CKMT2: variants seen among roughly 807,000 people sequenced by gnomAD.
CKMT2 encodes the protein creatine kinase S-type, mitochondrial.
Under a neutral mutation model 48.9 loss-of-function variants are expected in CKMT2, and 43 were observed. The observed-to-expected ratio is 0.88, with a 90% CI of 0.69 to 1.13. The LOEUF is 1.13. CKMT2 is among the 50% of genes most tolerant of loss of function. CKMT2 has a pLI of 0.00. For synonymous variants in CKMT2, 206 were observed against 213.0 expected (o/e 0.97, Z 0.29); for missense variants, 472 against 555.4 (o/e 0.85, Z 1.51).
intron 9 of CKMT2, among the ~76,000 whole-genome samples, chr5:81,265,199 T>TGAGA (rs1757346906): frequency 6.6e-6 from 1 of 152,130 alleles, no homozygotes; most frequent in Admixed American, 6.5e-5. Context: ...TGGCAGTGAG[T>TGAGA]GAGAGACCTA....
chr5:81,254,285 G>A, intron 3 of CKMT2, 111 bp from the exon 4 acceptor site: 1 of 795,528 alleles, frequency 1.3e-6, no homozygotes, highest in Non-Finnish European at 2.1e-6. Context: ...AAATTTCAGA[G>A]AAGGAGGGCA....
chr5:81,245,903 C>T (rs770879807), intron 1 of CKMT2, among the ~76,000 whole-genome samples: 6 of 152,152 alleles, frequency 3.9e-5, no homozygotes, highest in African/African-American at 9.7e-5. Context: ...CCTCACCACC[C>T]GCCCAACTGT....
chr5:81,254,618 C>A, intron 4 of CKMT2, 127 bp downstream of exon 4: 3 of 762,620 alleles, frequency 3.9e-6, no homozygotes, highest in Non-Finnish European at 6.6e-6. Context: ...ACTGCCCTGG[C>A]ACAGCCTTCC....
At chr5:81,256,216 A>G (rs1339130808) in intron 5 of CKMT2, among the ~76,000 whole-genome samples, 1 of 152,208 alleles carries the variant, frequency 6.6e-6, no homozygotes, top group African/African-American at 2.4e-5. Flanking sequence ...GTGGAGTAGT[A>G]TATTGCAGTG....
rs183433481 is a variant in CKMT2, at chr5:81,260,094, T to C, written c.1014+840T>C. 2.6e-4 allele frequency among the ~76,000 whole-genome samples: 40 copies of C among 152,168 alleles called. No homozygotes were observed. The East Asian group carries it at 6.4e-3, about 24-fold the overall frequency. ...TCAAAACCGCACGAATACATGGAAA[T>C]TGAACAACCTGCTCCTGAATGACTA... is the stretch of plus-strand genomic sequence containing the variant. On this transcript the variant is annotated intron_variant, in intron 8 of 9. Transcript: ENST00000254035.
Position 81,247,849 on chromosome 5 carries a change from C to T in CKMT2, c.-20-3264C>T, listed in dbSNP as rs979657845. 8.5e-5 allele frequency among the ~76,000 whole-genome samples: 13 copies of T among 152,274 alleles called. No homozygotes were observed. The East Asian group carries it at 2.5e-3, about 29-fold the overall frequency. ...TCTTCAAGGAATCAAAGCAAGGATA[C>T]TGAGGAATTTCAGTTCCAAGATTGC... On this transcript the variant is annotated intron_variant, in intron 1 of 9. Transcript: ENST00000254035.
intron 1 of CKMT2, among the ~76,000 whole-genome samples, chr5:81,247,167 G>C (rs1483144210): frequency 3.3e-5 from 5 of 152,136 alleles, no homozygotes. Flanking sequence ...TCTCTGAACA[G>C]AACAGTTCAG....
chr5:81,253,174 T>C (rs748794615), intron 3 of CKMT2, among the ~76,000 whole-genome samples: 10 of 152,124 alleles, frequency 6.6e-5, no homozygotes, highest in Non-Finnish European at 1.5e-4. Context: ...GTCAAGTGGA[T>C]GAGTTGGTAC....
rs749488402 is a variant in CKMT2, at chr5:81,255,211, C to T, written c.666C>T (p.Ile222=). 1 of 1,613,714 alleles carries T rather than the reference C, an allele frequency of 6.2e-7. No individual in the cohort carries two copies. The highest frequency in any genetic ancestry group is 8.5e-7 in the Non-Finnish European group (1 of 1,179,818). ...CGGAGCAGGACCAGCAGCGGCTCAT[C>T]GATGTGAGTAGCAGATGGGGCTCCC... ...EMTEQDQQRL[I]DDHFLFDKPV... Residue 222 remains isoleucine, a synonymous_variant, in exon 5 of 10, where the codon ATC becomes ATT. Coordinates refer to ENST00000254035, the MANE Select transcript of CKMT2 (RefSeq NM_001099735.2).
chr5:81,260,227 G>C (rs552667264), intron 8 of CKMT2, among the ~76,000 whole-genome samples: 64 of 151,778 alleles, frequency 4.2e-4, no homozygotes, highest in Admixed American at 2.0e-3. Context: ...GCAGTGTTTA[G>C]AGGGAAATTT....
At chr5:81,262,197 G>A (rs1757246674) in intron 8 of CKMT2, among the ~76,000 whole-genome samples, 1 of 151,998 alleles carries the variant, frequency 6.6e-6, no homozygotes, top group Non-Finnish European at 1.5e-5. Context: ...AACTCAAGAT[G>A]GATTAAAGAC....
In CKMT2 at chr5:81,252,699, G is replaced by C. The variant is rs1756862949; in HGVS notation, c.157G>C (p.Asp53His). Residue 53 changes from aspartate to histidine, a missense_variant, in exon 3 of 10, where the codon GAC (aspartate) becomes CAC (histidine). Transcript: ENST00000254035. Reference sequence around the variant, plus strand: ...CCTGCCCTCCTCCCCACACAGCGCAGACTACCCAGACCTGCGCAAGCACAA... The same window carrying C: ...CCTGCCCTCCTCCCCACACAGCGCACACTACCCAGACCTGCGCAAGCACAA... ...EQPRLFPPSA[D>H]YPDLRKHNNC... 1 of 1,614,018 alleles carries C rather than the reference G, an allele frequency of 6.2e-7. No individual in the cohort carries two copies. Among genetic ancestry groups the C allele is most frequent in the Admixed American group, 1.7e-5 (1 of 60,000 alleles).
intron 1 of CKMT2, chr5:81,242,303 CTT>C: frequency 2.2e-5 from 7 of 323,848 alleles, no homozygotes; most frequent in Admixed American, 7.4e-5. Context: ...AGTTTGTGGG[CTT>C]TTTTTTTGTG....
intron 1 of CKMT2, chr5:81,237,750 T>C (rs897075231): frequency 6.6e-6 from 1 of 152,180 alleles, no homozygotes; most frequent in Non-Finnish European, 1.5e-5. Context: ...TACATGAAAA[T>C]GTATATGTAT....
chr5:81,257,927 G>A, intron 7 of CKMT2, 71 bp downstream of exon 7: 1 of 1,456,744 alleles, frequency 6.9e-7, no homozygotes, highest in Non-Finnish European at 9.3e-7. Flanking sequence ...CTTGAAAGAA[G>A]ACACTATGGT....
chr5:81,246,042 G>A (rs915185052), intron 1 of CKMT2, among the ~76,000 whole-genome samples: 26 of 151,878 alleles, frequency 1.7e-4, no homozygotes, highest in African/African-American at 6.3e-4. Context: ...ACTCACCTGG[G>A]TCTCAGCACC....
intron 1 of CKMT2, chr5:81,246,807 G>C (rs868725887): frequency 6.6e-6 from 1 of 152,228 alleles, no homozygotes; most frequent in Non-Finnish European, 1.5e-5. Context: ...GGGCAGCAGC[G>C]AAGTTGAGAA....
intron 1 of CKMT2, among the ~76,000 whole-genome samples, chr5:81,243,466 A>G (rs1270501418): frequency 2.0e-5 from 3 of 152,214 alleles, no homozygotes; most frequent in African/African-American, 7.2e-5. Flanking sequence ...AGCACAAAAT[A>G]GAAACAGCAA....
chr5:81,256,155 A>G (rs747383841), intron 5 of CKMT2, among the ~76,000 whole-genome samples: 34 of 152,278 alleles, frequency 2.2e-4, no homozygotes, highest in Non-Finnish European at 4.4e-4. Context: ...TATGCAAGAA[A>G]GAGTAGTATA....
Sources: gnomAD v4.1 joint callset for allele counts (sites outside exome capture counted in the v4.1 genomes callset) on GRCh38, gnomAD v4.1.1 for gene constraint, MANE v1.5 for transcripts, NCBI Gene and HGNC (gene_info 2026-07-23, HGNC 2026-07-21) for gene names.